Variants in RASGRF1 observed in about 807,000 individuals in gnomAD.
RASGRF1 encodes ras-specific guanine nucleotide-releasing factor 1.
RASGRF1 carries 40 observed loss-of-function variants against 138.7 expected under a neutral mutation model. That is an observed-to-expected ratio of 0.29 (90% confidence interval 0.22 to 0.38). The LOEUF (loss-of-function observed/expected upper bound fraction) is 0.38. Among genes scored for constraint, RASGRF1 ranks in the 10% least tolerant of loss-of-function variants. The probability of loss-of-function intolerance (pLI) is 1.00; values close to 1 mark genes in which losing one functional copy is unlikely to be tolerated. For synonymous variants in RASGRF1, 614 were observed against 663.2 expected, an observed-to-expected ratio of 0.93 and a Z score of 1.14; for missense variants, 1,108 against 1,650.4, an observed-to-expected ratio of 0.67 and a Z score of 5.69.
intron 23 of RASGRF1, among the ~76,000 whole-genome samples, chr15:78,982,443 C>T (rs1291617607): frequency 6.6e-6 from 1 of 152,162 alleles, no homozygotes; most frequent in African/African-American, 2.4e-5. Context: ...TTCTCAGCTG[C>T]TGCTTAAAAA....
intron 11 of RASGRF1, among the ~76,000 whole-genome samples, chr15:79,019,357 C>G (rs1285433925): frequency 6.6e-6 from 1 of 152,146 alleles, no homozygotes; most frequent in Non-Finnish European, 1.5e-5. Context: ...TGAATAATGA[C>G]CCCACCTCCA....
intron 12 of RASGRF1, 95 bp downstream of exon 12, chr15:79,017,675 C>T (rs1163491144): frequency 2.9e-6 from 4 of 1,397,436 alleles, no homozygotes; most frequent in Admixed American, 2.4e-5. Context: ...GCAGCTACTC[C>T]ACCACCCCCA....
At chr15:79,063,713 T>C (rs2057639010) in intron 2 of RASGRF1, among the ~76,000 whole-genome samples, 1 of 152,132 alleles carries the variant, frequency 6.6e-6, no homozygotes, top group Non-Finnish European at 1.5e-5. Flanking sequence ...GGTAGAAAAA[T>C]CCACTGCCCA....
In RASGRF1 at chr15:79,015,252, A is replaced by C. The variant is rs977699168; in HGVS notation, c.1826+75T>G. 2.8e-5 allele frequency: 40 copies of C among 1,436,800 alleles called. No individual in the cohort carries two copies. The African/African-American group carries it at 5.2e-4, about 19-fold the overall frequency. 89.0% of individuals were successfully genotyped at this position (1,436,800 alleles called of 1,614,324 possible). A position where few individuals can be genotyped will look rare whatever the true frequency, so the allele number is the denominator to read the frequency against. On this transcript the variant is annotated intron_variant, in intron 13 of 26. Coordinates refer to ENST00000558480, the MANE Select transcript of RASGRF1 (RefSeq NM_001145648.3). ...TGAACCCCAGTAGCTGGCTCATCCC[A>C]GTGTCCTGGCTGTCACCTTGTGGTA... is the stretch of plus-strand genomic sequence containing the variant.
chr15:78,970,383 T>C (rs62011167), intron 26 of RASGRF1, among the ~76,000 whole-genome samples: 23,055 of 152,000 alleles, frequency 0.15, 1,864 homozygotes, highest in Middle Eastern at 0.2. Context: ...TATTGGGGCA[T>C]AGTGGCGTGC....
chr15:79,022,933 G>A (rs879436815), intron 10 of RASGRF1, among the ~76,000 whole-genome samples: 1 of 152,202 alleles, frequency 6.6e-6, no homozygotes, highest in Non-Finnish European at 1.5e-5. Flanking sequence ...CCAGCACTTT[G>A]GGAGGCCGAG....
chr15:79,049,653 C>T (rs898055157), intron 3 of RASGRF1, 65 bp from the exon 4 acceptor site: 24 of 1,427,548 alleles, frequency 1.7e-5, no homozygotes, highest in African/African-American at 4.3e-5. Context: ...GGTCTTTGGC[C>T]GGTGGGTGGC....
intron 1 of RASGRF1, among the ~76,000 whole-genome samples, chr15:79,072,198 G>A (rs2057765881): frequency 6.6e-6 from 1 of 150,778 alleles, no homozygotes; most frequent in Non-Finnish European, 1.5e-5. Context: ...GCCAGCGACT[G>A]CCTGAGGACC....
At chr15:78,985,462 G>A in intron 22 of RASGRF1, 1 of 386,478 alleles carries the variant, frequency 2.6e-6, no homozygotes, top group Non-Finnish European at 4.7e-6. Context: ...ATGGGAATCT[G>A]TAAATACCTA....
chr15:78,965,845 C>T (rs193085660), intron 26 of RASGRF1, among the ~76,000 whole-genome samples: 9 of 152,210 alleles, frequency 5.9e-5, no homozygotes, highest in East Asian at 1.9e-4. Flanking sequence ...AGTGAAACTC[C>T]GTCTCAAAAA....
At chr15:79,045,855 T>C (rs548308292) in intron 5 of RASGRF1, among the ~76,000 whole-genome samples, 1 of 152,184 alleles carries the variant, frequency 6.6e-6, no homozygotes, top group Non-Finnish European at 1.5e-5. Flanking sequence ...AAAAGGCTGG[T>C]TGAGATTAGT....
In RASGRF1 at chr15:79,064,415, C is replaced by A. The variant is rs192854456; in HGVS notation, c.383+5G>T. ...GGGCTTCCTGCCCTGGGCAAGGAGA[C>A]ATACCTGGCATGTGCAATGGCTGCC... On this transcript the variant is annotated splice_donor_5th_base_variant and intron_variant, in intron 2 of 26. Coordinates refer to ENST00000558480, the MANE Select transcript of RASGRF1 (RefSeq NM_001145648.3). 4.3e-5 allele frequency: 69 copies of A among 1,613,126 alleles called. No individual in the cohort carries two copies. In the African/African-American group the frequency reaches 8.3e-4, roughly 19 times the overall value.
intron 8 of RASGRF1, among the ~76,000 whole-genome samples, chr15:79,028,065 T>C (rs2057085688): frequency 6.6e-6 from 1 of 152,176 alleles, no homozygotes; most frequent in Non-Finnish European, 1.5e-5. Context: ...CCTCATTTTA[T>C]CCTTCTGACA....
chr15:79,006,124 TCA>T lies in RASGRF1; in HGVS notation c.2075+60_2075+61del. 2 of 1,605,342 alleles carry T rather than the reference TCA, an allele frequency of 1.2e-6. No individual in the cohort carries two copies. Among genetic ancestry groups the T allele is most frequent in the South Asian group, 1.1e-5 (1 of 90,250 alleles). On this transcript the variant is annotated intron_variant, in intron 14 of 26. Coordinates refer to ENST00000558480, the MANE Select transcript of RASGRF1 (RefSeq NM_001145648.3). The surrounding 1 kb of genome is among the most constrained non-coding windows in gnomAD (Gnocchi z 4.0). ...GGTCACCCCCCGGCCCCGTGCAAGC[TCA>T]GTTTTCCTCCAAGGCTTGGAAGCTC...
chr15:79,033,733 G>T (rs1220335898), intron 6 of RASGRF1, among the ~76,000 whole-genome samples: 1 of 151,608 alleles, frequency 6.6e-6, no homozygotes, highest in Non-Finnish European at 1.5e-5. Flanking sequence ...GGAACTACAG[G>T]TGTGCACCAC....
chr15:79,055,943 C>T (rs1225366061), intron 3 of RASGRF1, among the ~76,000 whole-genome samples: 5 of 152,138 alleles, frequency 3.3e-5, no homozygotes, highest in South Asian at 2.1e-4. Flanking sequence ...CGACACAGCC[C>T]GTCCTTATGG....
intron 26 of RASGRF1, among the ~76,000 whole-genome samples, chr15:78,967,344 G>A (rs2055663622): frequency 6.6e-6 from 1 of 152,094 alleles, no homozygotes; most frequent in South Asian, 2.1e-4. Context: ...CCAGGAGTTC[G>A]AGACCAGGCT....
intron 14 of RASGRF1, 76 bp from the exon 15 acceptor site, chr15:79,004,251 G>T (rs373383933): frequency 8.8e-6 from 13 of 1,482,208 alleles, no homozygotes; most frequent in East Asian, 6.8e-5. Context: ...GCCGTCTCCG[G>T]TGGGGCTCGG....
chr15:78,965,043 A>G (rs1314846660), intron 26 of RASGRF1, among the ~76,000 whole-genome samples: 1 of 152,118 alleles, frequency 6.6e-6, no homozygotes, highest in East Asian at 1.9e-4. Flanking sequence ...GATATTTTAT[A>G]TATAAAATAA....
Sources: allele counts gnomAD v4.1 joint callset (sites outside exome capture counted in the v4.1 genomes callset), GRCh38; gene constraint gnomAD v4.1.1; non-coding constraint Gnocchi (gnomAD v3.1); transcripts MANE v1.5; gene names NCBI Gene and HGNC (gene_info 2026-07-23, HGNC 2026-07-21).